Variants in PHTF2 observed in about 807,000 individuals in gnomAD.
PHTF2 encodes protein PHTF2.
In PHTF2, 60 loss-of-function variants were observed where a neutral mutation model predicts 101.2. The ratio of observed to expected loss-of-function variants is 0.59; its 90% CI spans 0.48 to 0.73. The LOEUF (loss-of-function observed/expected upper bound fraction) is 0.73. PHTF2 is among the 30% of genes least tolerant of loss of function. PHTF2 has a pLI of 0.00. For missense variants in PHTF2, 747 were observed against 908.7 expected (o/e 0.82, Z 2.29); for synonymous variants, 311 against 307.3 (o/e 1.01, Z -0.13).
At chr7:77,809,417 G>C (rs576466701) in intron 1 of PHTF2, among the ~76,000 whole-genome samples, 1 of 151,880 alleles carries the variant, frequency 6.6e-6, no homozygotes, top group South Asian at 2.1e-4. Context: ...AGTAGAGATG[G>C]GGTTTCACCA....
At position 77,940,725 on chromosome 7, in the gene PHTF2, T is replaced by G. The variant is rs1201117885; in HGVS notation, c.1872+66T>G. The G allele has an allele frequency of 2.6e-6, 3 of 1,134,422 alleles. No individual in the cohort carries two copies. In the African/African-American group the frequency reaches 4.8e-5, roughly 18 times the overall value. 70.3% of individuals were successfully genotyped at this position (1,134,422 alleles called of 1,614,324 possible). On this transcript the variant is annotated intron_variant, in intron 15 of 19. Transcript: ENST00000416283. ...CTTTCTGATAGTTCCAGTTTCTTTATCAATATATATTTGTCTCTAGATGTA... is the reference window on the plus strand; with the variant it reads ...CTTTCTGATAGTTCCAGTTTCTTTAGCAATATATATTTGTCTCTAGATGTA...
chr7:77,828,201 G>T (rs1412535179), intron 1 of PHTF2, among the ~76,000 whole-genome samples: 1 of 152,110 alleles, frequency 6.6e-6, no homozygotes, highest in East Asian at 1.9e-4. Flanking sequence ...AGTAAATGAG[G>T]AAGTTAAACC....
chr7:77,913,579 T>G (rs961926522), intron 9 of PHTF2, among the ~76,000 whole-genome samples: 1 of 152,114 alleles, frequency 6.6e-6, no homozygotes, highest in African/African-American at 2.4e-5. Context: ...TTTTCTTTCA[T>G]GTCCTCTAAG....
chr7:77,914,491 T>C (rs984807369), intron 9 of PHTF2, among the ~76,000 whole-genome samples: 1 of 152,188 alleles, frequency 6.6e-6, no homozygotes, highest in African/African-American at 2.4e-5. Flanking sequence ...GCTGAATGAC[T>C]AAGTCTGGAT....
At chr7:77,892,884 T>C (rs1302183065) in intron 3 of PHTF2, among the ~76,000 whole-genome samples, 1 of 152,222 alleles carries the variant, frequency 6.6e-6, no homozygotes, top group Non-Finnish European at 1.5e-5. Flanking sequence ...AATTTAAACT[T>C]TAAGTGGTAA....
exon 19 of PHTF2, chr7:77,953,803 C>T: frequency 6.2e-7 from 1 of 1,613,118 alleles, no homozygotes; most frequent in Non-Finnish European, 8.5e-7. Flanking sequence ...TATGGGCTTA[C>T]AATGAATCCG....
At chr7:77,810,682 C>G (rs1793368360) in intron 1 of PHTF2, among the ~76,000 whole-genome samples, 1 of 151,980 alleles carries the variant, frequency 6.6e-6, no homozygotes, top group Non-Finnish European at 1.5e-5. Context: ...GGACTACAGG[C>G]ACGTACCACT....
chr7:77,841,159 A>G (rs1412773406), intron 2 of PHTF2, among the ~76,000 whole-genome samples: 1 of 135,984 alleles, frequency 7.4e-6, no homozygotes, highest in Non-Finnish European at 1.5e-5. Context: ...GGCTCACTGC[A>G]ACCTCTGCCT....
At chr7:77,864,977 T>G (rs922673950) in intron 3 of PHTF2, among the ~76,000 whole-genome samples, 1 of 152,170 alleles carries the variant, frequency 6.6e-6, no homozygotes, top group Non-Finnish European at 1.5e-5. Context: ...TCAGACAGAT[T>G]GTTCTGTCTT....
In PHTF2 at chr7:77,954,843, T is replaced by A. The variant is rs1185240818; in HGVS notation, c.2338-15T>A. On this transcript the variant is annotated splice_polypyrimidine_tract_variant and intron_variant, in intron 19 of 19. Coordinates refer to ENST00000416283, the Ensembl canonical transcript of PHTF2. ...TAAAACTGGCTTGTCACCACTTCTA[T>A]TTTTTTTTTTCTAGCTATGGAAGAT... 1.0e-5 allele frequency: 10 copies of A among 984,922 alleles called. No homozygotes were observed. The Admixed American group carries it at 2.8e-4, about 27-fold the overall frequency. The allele number at this position is 984,922 out of a possible 1,614,324, so 61.0% of individuals were successfully genotyped here.
intron 1 of PHTF2, among the ~76,000 whole-genome samples, chr7:77,803,271 G>A (rs1269059748): frequency 1.3e-5 from 2 of 152,184 alleles, no homozygotes; most frequent in Non-Finnish European, 2.9e-5. Context: ...TGCATAGTAT[G>A]CAGCTTTCCA....
intron 12 of PHTF2, among the ~76,000 whole-genome samples, chr7:77,931,804 G>A (rs979901162): frequency 6.6e-6 from 1 of 152,160 alleles, no homozygotes; most frequent in Admixed American, 6.5e-5. Context: ...AATAAATAAT[G>A]TTGTATGATA....
At chr7:77,932,263 A>C (rs1357771431) in intron 12 of PHTF2, among the ~76,000 whole-genome samples, 1 of 152,144 alleles carries the variant, frequency 6.6e-6, no homozygotes, top group African/African-American at 2.4e-5. Flanking sequence ...AGAATCAAAG[A>C]GATACGGAAG....
chr7:77,908,798 G>A, exon 8 of PHTF2: 1 of 1,572,756 alleles, frequency 6.4e-7, no homozygotes, highest in Non-Finnish European at 8.6e-7. Context: ...TATAGTTGCT[G>A]CAATAGTATT....
At chr7:77,815,834 T>C (rs1265886438) in intron 1 of PHTF2, among the ~76,000 whole-genome samples, 1 of 152,238 alleles carries the variant, frequency 6.6e-6, no homozygotes, top group Non-Finnish European at 1.5e-5. Context: ...ATTGGGTTAA[T>C]ATTCTCCTTT....
At position 77,913,779 on chromosome 7, in the gene PHTF2, T is replaced by C. The variant is rs761785115; in HGVS notation, c.776+3370T>C. On this transcript the variant is annotated intron_variant, in intron 9 of 19. Coordinates refer to ENST00000416283, the Ensembl canonical transcript of PHTF2. Reference sequence around the variant, plus strand: ...AAATCTTTAACTTTCACTTTAGTGTTAAAAACAGTAAATACTAAGGCTAAA... The same window carrying C: ...AAATCTTTAACTTTCACTTTAGTGTCAAAAACAGTAAATACTAAGGCTAAA... Among the ~76,000 whole-genome samples the C allele has an allele frequency of 8.5e-5, 13 of 152,268 alleles. No homozygotes were observed. In the South Asian group the frequency reaches 1.0e-3, roughly 12 times the overall value.
At chr7:77,818,805 C>T (rs1284065294) in intron 1 of PHTF2, among the ~76,000 whole-genome samples, 18 of 152,146 alleles carry the variant, frequency 1.2e-4, no homozygotes, top group African/African-American at 2.4e-5. Context: ...GTTATTTTGA[C>T]ATGTGCATTG....
At chr7:77,844,347 T>C (rs1347783090) in intron 2 of PHTF2, among the ~76,000 whole-genome samples, 1 of 152,158 alleles carries the variant, frequency 6.6e-6, no homozygotes, top group African/African-American at 2.4e-5. Context: ...CGTTTTTATA[T>C]TTATGATTTG....
chr7:77,873,803 A>G (rs774467880), intron 3 of PHTF2, among the ~76,000 whole-genome samples: 1 of 152,140 alleles, frequency 6.6e-6, no homozygotes, highest in Non-Finnish European at 1.5e-5. Flanking sequence ...ATTCTTTTCT[A>G]TCAATGCCCT....
Sources: gnomAD v4.1 joint callset for allele counts (sites outside exome capture counted in the v4.1 genomes callset) on GRCh38, gnomAD v4.1.1 for gene constraint, MANE v1.5 for transcripts, NCBI Gene and HGNC (gene_info 2026-07-23, HGNC 2026-07-21) for gene names.